Variants in THSD7B observed in about 807,000 individuals in gnomAD.
THSD7B encodes thrombospondin type 1 domain containing 7B, also known as thrombospondin type-1 domain-containing protein 7B.
In THSD7B, 138 loss-of-function variants were observed where a neutral mutation model predicts 213.6. The observed-to-expected ratio is 0.65, with a 90% CI of 0.56 to 0.74. The LOEUF is 0.74. THSD7B is among the 30% of genes least tolerant of loss of function. The probability of loss-of-function intolerance (pLI) is 0.00; values close to 1 mark genes in which losing one functional copy is unlikely to be tolerated. For missense variants in THSD7B, 1,931 were observed against 1,991.5 expected, an observed-to-expected ratio of 0.97 and a Z score of 0.58; for synonymous variants, 742 against 687.0, an observed-to-expected ratio of 1.08 and a Z score of -1.25.
At chr2:137,009,486 C>A (rs1686182947) in intron 2 of THSD7B, among the ~76,000 whole-genome samples, 2 of 152,066 alleles carry the variant, frequency 1.3e-5, no homozygotes, top group African/African-American at 4.8e-5. Context: ...TTTCATGCTG[C>A]TAATAAAGAC....
At chr2:137,454,386 C>T (rs1407101244) in intron 15 of THSD7B, among the ~76,000 whole-genome samples, 1 of 136,664 alleles carries the variant, frequency 7.3e-6, no homozygotes, top group Non-Finnish European at 1.6e-5. Context: ...TCTTCAGAGC[C>T]ATTCTATCTG....
At chr2:137,460,979 T>A (rs138567013) in intron 15 of THSD7B, among the ~76,000 whole-genome samples, 3 of 152,304 alleles carry the variant, frequency 2.0e-5, no homozygotes, top group African/African-American at 7.2e-5. Context: ...ATGTACTCTT[T>A]CACGTCTACC....
chr2:137,001,623 A>C (rs1686000701), intron 2 of THSD7B, among the ~76,000 whole-genome samples: 1 of 152,128 alleles, frequency 6.6e-6, no homozygotes, highest in African/African-American at 2.4e-5. Context: ...GGCAACTAAA[A>C]CGCTTACAGA....
At chr2:137,072,621 C>A (rs893227196) in intron 3 of THSD7B, among the ~76,000 whole-genome samples, 7 of 152,154 alleles carry the variant, frequency 4.6e-5, no homozygotes, top group African/African-American at 1.7e-4. Flanking sequence ...ATTGCCCTGG[C>A]CAGAACTTCC....
At chr2:136,799,633 A>G (rs929971460) in intron 1 of THSD7B, among the ~76,000 whole-genome samples, 5 of 152,016 alleles carry the variant, frequency 3.3e-5, no homozygotes, top group African/African-American at 1.2e-4. Context: ...ACAGAAATAC[A>G]CAGACACACA....
At chr2:136,944,339 T>C (rs999461916) in intron 2 of THSD7B, among the ~76,000 whole-genome samples, 11 of 152,244 alleles carry the variant, frequency 7.2e-5, no homozygotes, top group Non-Finnish European at 1.2e-4. Flanking sequence ...GATGTGGAGC[T>C]GAGAAGAATG....
intron 1 of THSD7B, among the ~76,000 whole-genome samples, chr2:136,767,456 A>AGTGTGTGTGTGTGTGTGTGT (rs6146926): frequency 0.032 from 4,656 of 146,576 alleles, 116 homozygotes; most frequent in South Asian, 0.044. Flanking sequence ...ATCCCTGGGA[A>AGTGTGTGTGTGTGTGTGTGT]GTGTGTGTGT....
intron 7 of THSD7B, 78 bp downstream of exon 7, chr2:137,171,016 C>A: frequency 7.1e-7 from 1 of 1,413,082 alleles, no homozygotes; most frequent in Non-Finnish European, 9.8e-7. Flanking sequence ...TTCAATAGAT[C>A]ATTCTCATGA....
At chr2:137,286,959 CA>C (rs1349390687) in intron 12 of THSD7B, among the ~76,000 whole-genome samples, 5 of 152,120 alleles carry the variant, frequency 3.3e-5, no homozygotes, top group South Asian at 2.1e-4. Context: ...ATCAACATAT[CA>C]AGGTTGCTGA....
chr2:137,244,358 G>A (rs781313416), intron 10 of THSD7B, among the ~76,000 whole-genome samples: 19 of 152,268 alleles, frequency 1.2e-4, no homozygotes, highest in Middle Eastern at 3.4e-3. Flanking sequence ...CCCACCAGCA[G>A]CCAGAAATTG....
intron 12 of THSD7B, among the ~76,000 whole-genome samples, chr2:137,331,605 T>C (rs1345043733): frequency 6.6e-6 from 1 of 152,186 alleles, no homozygotes; most frequent in Non-Finnish European, 1.5e-5. Context: ...TGCCATGTGC[T>C]CACACTCCTC....
chr2:136,868,944 T>C (rs941075447), intron 1 of THSD7B, among the ~76,000 whole-genome samples: 1 of 152,182 alleles, frequency 6.6e-6, no homozygotes, highest in African/African-American at 2.4e-5. Flanking sequence ...TTCTAGAAGG[T>C]AAGGTTTTCA....
At chr2:136,857,668 G>T (rs563351015) in intron 1 of THSD7B, among the ~76,000 whole-genome samples, 1 of 152,050 alleles carries the variant, frequency 6.6e-6, no homozygotes, top group Admixed American at 6.6e-5. Context: ...TAAATCCAGG[G>T]CTATCAAGTG....
chr2:137,312,966 A>T (rs936902679), intron 12 of THSD7B, among the ~76,000 whole-genome samples: 5 of 149,494 alleles, frequency 3.3e-5, no homozygotes, highest in Non-Finnish European at 6.0e-5. Context: ...TGTGGTGCTG[A>T]AAAAAATGTA....
At chr2:137,557,031 G>C (rs1338475650) in intron 15 of THSD7B, among the ~76,000 whole-genome samples, 1 of 152,184 alleles carries the variant, frequency 6.6e-6, no homozygotes, top group Non-Finnish European at 1.5e-5. Context: ...GGAGCACCCA[G>C]ATTCACAAAG....
intron 7 of THSD7B, among the ~76,000 whole-genome samples, chr2:137,173,060 A>C (rs1680289234): frequency 6.6e-6 from 1 of 152,154 alleles, no homozygotes; most frequent in Non-Finnish European, 1.5e-5. Context: ...CAAGTGGGGT[A>C]ATAAAACCTC....
chr2:137,302,907 C>T (rs2104848473), intron 12 of THSD7B, among the ~76,000 whole-genome samples: 1 of 152,298 alleles, frequency 6.6e-6, no homozygotes, highest in Non-Finnish European at 1.5e-5. Flanking sequence ...TCTCCTACTA[C>T]AGTCTTTACT....
At chr2:137,426,956 C>T (rs1387271943) in intron 14 of THSD7B, among the ~76,000 whole-genome samples, 1 of 151,610 alleles carries the variant, frequency 6.6e-6, no homozygotes, top group African/African-American at 2.4e-5. Context: ...TAGTGAAAAA[C>T]AAATAGCCCA....
chr2:137,597,853 T>G (rs185321290), intron 17 of THSD7B, among the ~76,000 whole-genome samples: 2 of 152,296 alleles, frequency 1.3e-5, no homozygotes, highest in Admixed American at 6.5e-5. Context: ...GATAAAAGAT[T>G]ATTAAAATTG....
Sources: allele counts gnomAD v4.1 joint callset (sites outside exome capture counted in the v4.1 genomes callset), GRCh38; gene constraint gnomAD v4.1.1; transcripts MANE v1.5; gene names NCBI Gene and HGNC (gene_info 2026-07-23, HGNC 2026-07-21).